The following SRGAP3 variants were observed in gnomAD, a reference collection of about 807,000 sequenced individuals.
SRGAP3 encodes the protein SLIT-ROBO Rho GTPase-activating protein 3.
In SRGAP3, 39 loss-of-function variants were observed where a neutral mutation model predicts 121.1. The ratio of observed to expected loss-of-function variants is 0.32; its 90% CI spans 0.25 to 0.42. SRGAP3 has a LOEUF of 0.42. Ranked by LOEUF, SRGAP3 falls within the 10% of genes least tolerant of loss-of-function variation. The probability of loss-of-function intolerance (pLI) is 1.00; values close to 1 mark genes in which losing one functional copy is unlikely to be tolerated. For missense variants in SRGAP3, 1,213 were observed against 1,470.6 expected (o/e 0.82, Z 2.86); for synonymous variants, 601 against 570.0 (o/e 1.05, Z -0.77).
intron 1 of SRGAP3, among the ~76,000 whole-genome samples, chr3:9,178,275 T>C (rs1010059084): frequency 6.6e-6 from 1 of 151,212 alleles, no homozygotes. Flanking sequence ...TCAAAAAAAA[T>C]AAAAATAAAA....
chr3:9,338,584 G>T (rs1025772717), intron 1 of SRGAP3, among the ~76,000 whole-genome samples: 38 of 152,088 alleles, frequency 2.5e-4, no homozygotes, highest in African/African-American at 8.2e-4. Flanking sequence ...TTTGCAAGTG[G>T]CTTCATTTTC....
chr3:9,150,512 T>A (rs967947219), intron 1 of SRGAP3, among the ~76,000 whole-genome samples: 1 of 152,100 alleles, frequency 6.6e-6, no homozygotes, highest in Non-Finnish European at 1.5e-5. Flanking sequence ...CAGAACACTT[T>A]CAGTGTACAC....
intron 1 of SRGAP3, among the ~76,000 whole-genome samples, chr3:9,153,882 C>T (rs1950306488): frequency 1.3e-5 from 2 of 151,994 alleles, no homozygotes; most frequent in East Asian, 1.9e-4. Context: ...GAATTGAAAC[C>T]CCTGTAAGAT....
intron 4 of SRGAP3, among the ~76,000 whole-genome samples, chr3:9,068,651 TTTTA>T (rs1369868261): frequency 6.6e-6 from 1 of 152,258 alleles, no homozygotes; most frequent in Non-Finnish European, 1.5e-5. Flanking sequence ...TAGATGTTTC[TTTTA>T]TTTAATTACC....
At chr3:9,227,177 A>T (rs1953015507) in intron 1 of SRGAP3, among the ~76,000 whole-genome samples, 2 of 152,208 alleles carry the variant, frequency 1.3e-5, no homozygotes, top group South Asian at 4.1e-4. Flanking sequence ...CTGGATTTTT[A>T]CATGAACTCC....
chr3:9,259,130 G>A (rs1259986273), intron 3 of SRGAP3, among the ~76,000 whole-genome samples: 1 of 151,926 alleles, frequency 6.6e-6, no homozygotes, highest in Non-Finnish European at 1.5e-5. Context: ...TCCTCCCCGG[G>A]TCCTGGCTCC....
chr3:9,306,469 T>C (rs1402481001), intron 3 of SRGAP3, among the ~76,000 whole-genome samples: 2 of 152,250 alleles, frequency 1.3e-5, no homozygotes, highest in Non-Finnish European at 2.9e-5. Flanking sequence ...TTTGGTGTTT[T>C]AGTCATTGAA....
Position 9,284,645 on chromosome 3 carries a change from C to T in SRGAP3, n.442+41365G>A, listed in dbSNP as rs531745226. Among the ~76,000 whole-genome samples, 7 of 152,080 alleles carry T rather than the reference C, an allele frequency of 4.6e-5. No individual in the cohort carries two copies. The South Asian group carries it at 1.0e-3, about 23-fold the overall frequency. ...AGGAGTTTGAGACCAGCCTGAACAA[C>T]GTGATAAAATCCCATCACTACAAAA... On this transcript the variant is annotated intron_variant and non_coding_transcript_variant, in intron 3 of 3. Transcript: ENST00000490889.
intron 14 of SRGAP3, among the ~76,000 whole-genome samples, chr3:9,016,739 C>T (rs1382446259): frequency 6.6e-6 from 1 of 152,184 alleles, no homozygotes; most frequent in Non-Finnish European, 1.5e-5. Flanking sequence ...GATTTTTGCC[C>T]AAATTAATTG....
At chr3:9,162,240 A>C (rs560222111) in intron 1 of SRGAP3, among the ~76,000 whole-genome samples, 132 of 152,302 alleles carry the variant, frequency 8.7e-4, no homozygotes, top group Non-Finnish European at 1.6e-3. Flanking sequence ...CAAGAATTTG[A>C]ATGTACTTAA....
chr3:9,273,341 T>C (rs1954515638), intron 3 of SRGAP3, among the ~76,000 whole-genome samples: 1 of 152,218 alleles, frequency 6.6e-6, no homozygotes, highest in Non-Finnish European at 1.5e-5. Flanking sequence ...ATTTCCCTAT[T>C]AATTTGTGAT....
intron 1 of SRGAP3, among the ~76,000 whole-genome samples, chr3:9,176,352 A>T (rs1378629829): frequency 6.6e-6 from 1 of 152,206 alleles, no homozygotes; most frequent in Non-Finnish European, 1.5e-5. Flanking sequence ...GGTACCTACC[A>T]TGTAGGAAGC....
intron 1 of SRGAP3, among the ~76,000 whole-genome samples, chr3:9,149,939 TTTG>T (rs1163285238): frequency 6.6e-6 from 1 of 151,928 alleles, no homozygotes; most frequent in Non-Finnish European, 1.5e-5. Flanking sequence ...TCACCATGGG[TTTG>T]TTGAGTGCCC....
At chr3:9,276,069 C>A (rs999546503) in intron 3 of SRGAP3, among the ~76,000 whole-genome samples, 1 of 152,066 alleles carries the variant, frequency 6.6e-6, no homozygotes, top group Non-Finnish European at 1.5e-5. Context: ...AAGGAAGGAT[C>A]TCCACTGGGT....
At chr3:9,090,222 T>C (rs1947694415) in intron 3 of SRGAP3, among the ~76,000 whole-genome samples, 1 of 152,030 alleles carries the variant, frequency 6.6e-6, no homozygotes, top group Admixed American at 6.6e-5. Context: ...TTCCCAACAA[T>C]TAGAGCACAC....
At chr3:9,026,902 T>C (rs1944235315) in intron 13 of SRGAP3, 33 bp downstream of exon 13, 1 of 1,611,166 alleles carries the variant, frequency 6.2e-7, no homozygotes, top group Non-Finnish European at 8.5e-7. Context: ...GTTCTGCAGA[T>C]TGCTGAAAAC....
chr3:9,075,715 G>A (rs1395614678), intron 4 of SRGAP3, among the ~76,000 whole-genome samples: 2 of 152,198 alleles, frequency 1.3e-5, no homozygotes, highest in African/African-American at 2.4e-5. Context: ...AAAAAGTGGA[G>A]TTTACTGGAA....
At chr3:9,136,819 G>A (rs1448511299) in intron 1 of SRGAP3, among the ~76,000 whole-genome samples, 1 of 152,180 alleles carries the variant, frequency 6.6e-6, no homozygotes, top group African/African-American at 2.4e-5. Context: ...CGGTTCCTGC[G>A]GAGTCTGCCC....
intron 12 of SRGAP3, chr3:9,027,960 T>C: frequency 1.0e-6 from 1 of 992,666 alleles, no homozygotes; most frequent in Non-Finnish European, 1.6e-6. Context: ...GTGAATTCTT[T>C]CCTTGATTGA....
Sources: gnomAD v4.1 joint callset for allele counts (sites outside exome capture counted in the v4.1 genomes callset) on GRCh38, gnomAD v4.1.1 for gene constraint, MANE v1.5 for transcripts, NCBI Gene and HGNC (gene_info 2026-07-23, HGNC 2026-07-21) for gene names.